The following CCDC171 variants were observed in gnomAD, a reference collection of about 807,000 sequenced individuals.
CCDC171 encodes coiled-coil domain-containing protein 171.
Under a neutral mutation model 168.2 loss-of-function variants are expected in CCDC171, and 177 were observed. The ratio of observed to expected loss-of-function variants is 1.05; its 90% CI spans 0.93 to 1.19. CCDC171 has a LOEUF of 1.19. CCDC171 is among the 50% of genes most tolerant of loss of function. CCDC171 has a pLI of 0.00. For synonymous variants in CCDC171, 687 were observed against 540.8 expected (o/e 1.27, Z -3.75); for missense variants, 1,991 against 1,539.0 (o/e 1.29, Z -4.91).
chr9:15,631,582 A>C (rs535608319), intron 7 of CCDC171, among the ~76,000 whole-genome samples: 5 of 152,354 alleles, frequency 3.3e-5, no homozygotes, highest in Non-Finnish European at 7.3e-5. Flanking sequence ...GCCGAATTCT[A>C]TCAGAGGTAC....
At chr9:16,099,235 C>T in the CCDC171 span, among the ~76,000 whole-genome samples, 2 of 152,180 alleles carry the variant, frequency 1.3e-5, no homozygotes, top group Non-Finnish European at 2.9e-5. Context: ...GGGTTAACAT[C>T]AGAATTCTTC....
At chr9:15,837,024 C>T (rs1588764902) in intron 21 of CCDC171, among the ~76,000 whole-genome samples, 2 of 152,216 alleles carry the variant, frequency 1.3e-5, no homozygotes, top group South Asian at 2.1e-4. Flanking sequence ...CTGCAACCCT[C>T]TTCACTAGTT....
intron 3 of CCDC171, among the ~76,000 whole-genome samples, chr9:16,016,023 G>A (rs1833005027): frequency 6.6e-6 from 1 of 152,176 alleles, no homozygotes; most frequent in Non-Finnish European, 1.5e-5. Flanking sequence ...ATTTGTTGAT[G>A]GACATTTAAG....
chr9:15,749,143 C>CAAAAAA (rs144579400), intron 18 of CCDC171, among the ~76,000 whole-genome samples: 1 of 137,038 alleles, frequency 7.3e-6, no homozygotes. Flanking sequence ...AAATGGAAAG[C>CAAAAAA]AAAAAAAAAA....
At chr9:15,792,025 G>C (rs565236108) in intron 21 of CCDC171, among the ~76,000 whole-genome samples, 1 of 152,124 alleles carries the variant, frequency 6.6e-6, no homozygotes, top group African/African-American at 2.4e-5. Flanking sequence ...AAACTTCTCC[G>C]AGCTAAAGGA....
intron 3 of CCDC171, among the ~76,000 whole-genome samples, chr9:16,007,913 C>T (rs1832754570): frequency 1.3e-5 from 2 of 151,934 alleles, no homozygotes; most frequent in South Asian, 4.2e-4. Context: ...TTTCTTTGCC[C>T]ATTTTCAATT....
chr9:15,901,692 T>C (rs1209474240), intron 24 of CCDC171, among the ~76,000 whole-genome samples: 1 of 152,200 alleles, frequency 6.6e-6, no homozygotes, highest in East Asian at 1.9e-4. Context: ...TTGGCACTGA[T>C]GTCTTCACTT....
At chr9:15,907,760 C>T (rs576156738) in intron 24 of CCDC171, among the ~76,000 whole-genome samples, 6 of 152,296 alleles carry the variant, frequency 3.9e-5, no homozygotes, top group Admixed American at 1.3e-4. Flanking sequence ...ATCTAGTCAT[C>T]TGACAAAGGG....
chr9:15,667,449 C>T (rs915892318), intron 9 of CCDC171, among the ~76,000 whole-genome samples: 3 of 152,008 alleles, frequency 2.0e-5, no homozygotes, highest in African/African-American at 4.8e-5. Flanking sequence ...AGTTCGAGAC[C>T]AGCCTGGCTA....
chr9:16,044,532 ATTT>A (rs34154704), intron 1 of CCDC171, among the ~76,000 whole-genome samples: 5 of 145,538 alleles, frequency 3.4e-5, no homozygotes, highest in Non-Finnish European at 3.0e-5. Flanking sequence ...CTATTTAATA[ATTT>A]TTTTTTTTTT....
chr9:15,713,516 A>G (rs1192938335), intron 11 of CCDC171, among the ~76,000 whole-genome samples: 1 of 152,104 alleles, frequency 6.6e-6, no homozygotes. Flanking sequence ...GCCAAAATTT[A>G]TGGATTGGTG....
chr9:16,048,652 C>T (rs571107818), intron 1 of CCDC171, among the ~76,000 whole-genome samples: 1 of 152,270 alleles, frequency 6.6e-6, no homozygotes, highest in South Asian at 2.1e-4. Context: ...CTTTATCTCT[C>T]TCTCTTTTTT....
In CCDC171 at chr9:15,731,083, C is replaced by A. The variant is rs370363001; in HGVS notation, c.2049+1285C>A. On this transcript the variant is annotated intron_variant, in intron 16 of 25. Transcript: ENST00000380701. ...TCTTTGTGTTGGGAACATTTCAAAT[C>A]TTCTCTTCTTGCTATTGTGAAATAC... Among the ~76,000 whole-genome samples the A allele has an allele frequency of 3.7e-4, 57 of 152,068 alleles. 1 individual carries two copies. In the South Asian group the frequency reaches 0.012, roughly 32 times the overall value.
At chr9:15,838,233 A>G (rs1026634560) in intron 21 of CCDC171, among the ~76,000 whole-genome samples, 2 of 152,206 alleles carry the variant, frequency 1.3e-5, no homozygotes, top group African/African-American at 2.4e-5. Flanking sequence ...CATATTAAGG[A>G]AAACTATTAT....
chr9:15,892,786 G>A (rs1365567500), intron 24 of CCDC171, among the ~76,000 whole-genome samples: 1 of 151,988 alleles, frequency 6.6e-6, no homozygotes, highest in Admixed American at 6.6e-5. Flanking sequence ...AAATCAGAAA[G>A]GACACAAACA....
intron 3 of CCDC171, among the ~76,000 whole-genome samples, chr9:16,002,887 A>G (rs879060378): frequency 1.3e-5 from 2 of 152,240 alleles, no homozygotes; most frequent in South Asian, 4.1e-4. Context: ...GTACAGTAAC[A>G]TGCTGTAAAG....
intron 6 of CCDC171, among the ~76,000 whole-genome samples, chr9:15,619,613 T>C (rs1018447079): frequency 6.6e-6 from 1 of 152,150 alleles, no homozygotes. Context: ...CTACATAATA[T>C]AAAAATGCAA....
At chr9:15,904,776 C>T (rs1589065304) in intron 24 of CCDC171, among the ~76,000 whole-genome samples, 1 of 151,730 alleles carries the variant, frequency 6.6e-6, no homozygotes. Context: ...TCAGGAAAGC[C>T]ATCTCACGTG....
At chr9:16,075,234 A>T in the CCDC171 span, among the ~76,000 whole-genome samples, 2 of 151,944 alleles carry the variant, frequency 1.3e-5, no homozygotes, top group Non-Finnish European at 2.9e-5. Flanking sequence ...CTCATATTTC[A>T]GCACCCTAAT....
Sources: gnomAD v4.1 joint callset for allele counts (sites outside exome capture counted in the v4.1 genomes callset) on GRCh38, gnomAD v4.1.1 for gene constraint, MANE v1.5 for transcripts, NCBI Gene and HGNC (gene_info 2026-07-23, HGNC 2026-07-21) for gene names.